DECR1: variants seen among roughly 807,000 people sequenced by gnomAD.
DECR1 encodes 2,4-dienoyl-CoA reductase [(3E)-enoyl-CoA-producing], mitochondrial.
In DECR1, 44 loss-of-function variants were observed where a neutral mutation model predicts 38.8. That is an observed-to-expected ratio of 1.13 (90% CI 0.89 to 1.46). DECR1 has a LOEUF of 1.46. Ranked by LOEUF, DECR1 falls within the 40% of genes most tolerant of loss-of-function variation. The pLI is 0.00. For synonymous variants in DECR1, 148 were observed against 135.2 expected (o/e 1.09, Z -0.66); for missense variants, 428 against 405.5 (o/e 1.06, Z -0.48).
intron 5 of DECR1, chr8:90,029,223 T>G (rs1344243517): frequency 6.6e-6 from 1 of 152,182 alleles, no homozygotes; most frequent in Non-Finnish European, 1.5e-5. Context: ...ACTCCAATAT[T>G]TAGTAACAGA....
At chr8:90,031,715 T>C (rs985362682) in intron 5 of DECR1, among the ~76,000 whole-genome samples, 3 of 152,084 alleles carry the variant, frequency 2.0e-5, no homozygotes, top group African/African-American at 7.2e-5. Context: ...ACCATGATTG[T>C]CAGTAAGATT....
chr8:90,036,389 A>G (rs1024475861), intron 5 of DECR1, among the ~76,000 whole-genome samples: 1 of 152,126 alleles, frequency 6.6e-6, no homozygotes, highest in African/African-American at 2.4e-5. Context: ...CAGTATCTGT[A>G]TATAATTGTA....
intron 1 of DECR1, among the ~76,000 whole-genome samples, chr8:90,012,665 C>T (rs1211878204): frequency 6.6e-6 from 1 of 152,092 alleles, no homozygotes; most frequent in African/African-American, 2.4e-5. Flanking sequence ...AAGCATTTAC[C>T]GAATGCCTAA....
Position 90,051,981 on chromosome 8 carries a change from T to C in DECR1, c.*84T>C. 1.7e-6 allele frequency: 2 copies of C among 1,207,152 alleles called. No homozygotes were observed. The highest frequency in any genetic ancestry group is 2.6e-5 in the South Asian group (2 of 77,354). The allele number at this position is 1,207,152 out of a possible 1,614,324, so 74.8% of individuals were successfully genotyped here. A position where few individuals can be genotyped will look rare whatever the true frequency, so the allele number is the denominator to read the frequency against. On this transcript the variant is annotated 3_prime_UTR_variant, in exon 10 of 10. Coordinates refer to ENST00000220764, the MANE Select transcript of DECR1 (RefSeq NM_001359.2). ...TCTCATCTTTTGACTATTTCAAGTCTAATAAATTCTTAATTAACAAACATT... is the reference window on the plus strand; with the variant it reads ...TCTCATCTTTTGACTATTTCAAGTCCAATAAATTCTTAATTAACAAACATT...
At chr8:90,027,619 G>T (rs538348524) in intron 5 of DECR1, among the ~76,000 whole-genome samples, 11 of 152,064 alleles carry the variant, frequency 7.2e-5, no homozygotes, top group African/African-American at 1.4e-4. Context: ...TGTCTCTGCA[G>T]GTGAGATGGG....
chr8:90,001,643 G>C, intron 1 of DECR1, 82 bp downstream of exon 1: 1 of 1,358,818 alleles, frequency 7.4e-7, no homozygotes, highest in Non-Finnish European at 1.0e-6. Context: ...CGGGGGCTCG[G>C]GGAGCGAGGA....
chr8:90,036,724 ATACTT>A, intron 5 of DECR1, 112 bp from the exon 6 acceptor site: 2 of 610,738 alleles, frequency 3.3e-6, no homozygotes, highest in Non-Finnish European at 5.5e-6. Context: ...GTTTTAAAAA[ATACTT>A]TAGTTTTTCT....
intron 7 of DECR1, among the ~76,000 whole-genome samples, chr8:90,043,233 T>C (rs543775093): frequency 6.6e-6 from 1 of 152,308 alleles, no homozygotes; most frequent in South Asian, 2.1e-4. Context: ...AGGCTTTGTC[T>C]TGTTATAGGT....
intron 1 of DECR1, among the ~76,000 whole-genome samples, chr8:90,008,471 C>G (rs1812797603): frequency 6.6e-6 from 1 of 152,174 alleles, no homozygotes; most frequent in Admixed American, 6.5e-5. Context: ...TTTTCTAGAA[C>G]ACAAAGGCAG....
rs745489638 is a variant in DECR1 at position 90,017,326 on chromosome 8, G to A, written c.272G>A (p.Arg91Gln). ...SLGAQCVIAS[R>Q]KMDVLKATAE... Reference sequence around the variant, plus strand: ...GGTGCTCAGTGCGTGATAGCCAGCCGGTAAGTCCCTTACATCAAGCCTATT... The same window carrying A: ...GGTGCTCAGTGCGTGATAGCCAGCCAGTAAGTCCCTTACATCAAGCCTATT... The change falls in exon 2 of 10, where the codon CGG becomes CAG. Residue 91 changes from arginine (R) to glutamine (Q), a missense_variant and splice_region_variant. Arg to Gln is a conservative substitution (Grantham distance 43, BLOSUM62 1). Transcript: ENST00000220764. 16 of 1,612,952 alleles carry A rather than the reference G, an allele frequency of 9.9e-6. No individual in the cohort carries two copies. Among genetic ancestry groups the A allele is most frequent in the Admixed American group, 6.7e-5 (4 of 59,828 alleles).
chr8:90,021,959 A>G (rs962943773), intron 5 of DECR1, among the ~76,000 whole-genome samples: 2 of 152,202 alleles, frequency 1.3e-5, no homozygotes, highest in African/African-American at 4.8e-5. Flanking sequence ...ATATTCATAT[A>G]TATCTAGAAC....
intron 1 of DECR1, among the ~76,000 whole-genome samples, chr8:90,011,257 A>C (rs1468509567): frequency 1.3e-5 from 2 of 152,242 alleles, no homozygotes; most frequent in Non-Finnish European, 2.9e-5. Context: ...CAATGTTTAC[A>C]GTCAGCATAT....
intron 5 of DECR1, among the ~76,000 whole-genome samples, chr8:90,024,535 C>A (rs940264757): frequency 6.6e-6 from 1 of 152,166 alleles, no homozygotes; most frequent in African/African-American, 2.4e-5. Context: ...AGTGTCTGTT[C>A]AAATCCTTCG....
chr8:90,042,705 A>T (rs1813792022), intron 6 of DECR1, 23 bp from the exon 7 acceptor site: 1 of 1,590,010 alleles, frequency 6.3e-7, no homozygotes, highest in Non-Finnish European at 8.6e-7. Context: ...TTCAGAATGT[A>T]TGTTGTTGAT....
At chr8:90,012,039 A>G (rs1812895951) in intron 1 of DECR1, among the ~76,000 whole-genome samples, 1 of 152,062 alleles carries the variant, frequency 6.6e-6, no homozygotes, top group Admixed American at 6.6e-5. Context: ...AGTTATAAAT[A>G]TGGTCGTATA....
intron 5 of DECR1, among the ~76,000 whole-genome samples, chr8:90,028,011 A>T (rs1411643600): frequency 3.3e-5 from 5 of 152,056 alleles, no homozygotes; most frequent in Non-Finnish European, 7.4e-5. Flanking sequence ...GTCATTTTCC[A>T]AGTGTTACTT....
In DECR1 at chr8:90,017,182, T is replaced by C. The variant is rs781317346; in HGVS notation, c.128T>C (p.Phe43Ser). The C allele has an allele frequency of 6.2e-7, 1 of 1,614,178 alleles. No homozygotes were observed. ...YQNTEALQSK[F>S]FSPLQKAMLP... Reference sequence around the variant, plus strand: ...AACACTGAAGCTTTGCAATCTAAATTCTTTTCACCTCTTCAAAAAGCGATG... The same window carrying C: ...AACACTGAAGCTTTGCAATCTAAATCCTTTTCACCTCTTCAAAAAGCGATG... Residue 43 changes from phenylalanine (F) to serine (S), a missense_variant, in exon 2 of 10, where the codon TTC becomes TCC. Transcript: ENST00000220764.
At chr8:90,025,999 G>C (rs1411706902) in intron 5 of DECR1, among the ~76,000 whole-genome samples, 1 of 152,154 alleles carries the variant, frequency 6.6e-6, no homozygotes, top group African/African-American at 2.4e-5. Flanking sequence ...TTTGTCTTTT[G>C]TTCTGTTTGT....
chr8:90,047,734 C>A (rs941666682), intron 8 of DECR1, among the ~76,000 whole-genome samples: 29 of 152,300 alleles, frequency 1.9e-4, no homozygotes, highest in Admixed American at 1.8e-3. Context: ...AATATATATT[C>A]TTTTTAGCAC....
Sources: gnomAD v4.1 joint callset for allele counts (sites outside exome capture counted in the v4.1 genomes callset) on GRCh38, gnomAD v4.1.1 for gene constraint, MANE v1.5 for transcripts, NCBI Gene and HGNC (gene_info 2026-07-23, HGNC 2026-07-21) for gene names.